The following RNF6 variants were observed in gnomAD, a reference collection of about 807,000 sequenced individuals.
RNF6 encodes E3 ubiquitin-protein ligase RNF6.
In RNF6, 21 loss-of-function variants were observed where a neutral mutation model predicts 50.1. The ratio of observed to expected loss-of-function variants is 0.42; its 90% CI spans 0.30 to 0.60. The LOEUF (loss-of-function observed/expected upper bound fraction) is 0.60. Ranked by LOEUF, RNF6 falls within the 20% of genes least tolerant of loss-of-function variation. The pLI, the probability that RNF6 is intolerant of heterozygous loss-of-function variation, is 0.20. For synonymous variants in RNF6, 255 were observed against 291.8 expected, an observed-to-expected ratio of 0.87 and a Z score of 1.29; for missense variants, 698 against 838.2, an observed-to-expected ratio of 0.83 and a Z score of 2.07.
At chr13:26,203,526 C>A (rs777731089) in intron 5 of RNF6, among the ~76,000 whole-genome samples, 10 of 152,216 alleles carry the variant, frequency 6.6e-5, no homozygotes, top group Non-Finnish European at 4.4e-5. Flanking sequence ...GTTGTCACAC[C>A]TTTGGGTGTG....
chr13:26,133,948 G>C (rs187448320), intron 5 of RNF6, among the ~76,000 whole-genome samples: 16 of 152,302 alleles, frequency 1.1e-4, no homozygotes, highest in Admixed American at 6.5e-4. Flanking sequence ...TAGGTTATGA[G>C]ACTCTGGATA....
chr13:26,188,040 A>G (rs546607695), intron 5 of RNF6, among the ~76,000 whole-genome samples: 1 of 152,322 alleles, frequency 6.6e-6, no homozygotes, highest in Admixed American at 6.5e-5. Flanking sequence ...AATGGACTTG[A>G]ACCTGTTAAT....
intron 5 of RNF6, among the ~76,000 whole-genome samples, chr13:26,147,619 T>C (rs142284399): frequency 6.6e-6 from 1 of 152,130 alleles, no homozygotes; most frequent in African/African-American, 2.4e-5. Flanking sequence ...TTCCCACACA[T>C]CCTCATCCCA....
rs541500502 is a variant in RNF6 at position 26,222,059 on chromosome 13, C to T, written c.-158G>A. The T allele has an allele frequency of 6.7e-6, 1 of 150,354 alleles. No homozygotes were observed. The highest frequency in any genetic ancestry group is 2.2e-4 in the South Asian group (1 of 4,650). 9.3% of individuals were successfully genotyped at this position (150,354 alleles called of 1,614,324 possible). ...CCGGAGAACGTGTGCTGTGGGCGGC[C>T]GTTCTCTCGGGTGCTGGAGGCTGTG... On this transcript the variant is annotated 5_prime_UTR_variant, in exon 1 of 5. Coordinates refer to ENST00000381588, the MANE Select transcript of RNF6 (RefSeq NM_005977.4).
intron 5 of RNF6, among the ~76,000 whole-genome samples, chr13:26,163,049 G>A (rs1444382122): frequency 6.6e-6 from 1 of 152,088 alleles, no homozygotes; most frequent in Non-Finnish European, 1.5e-5. Context: ...GGTGGCTCAT[G>A]CCTGTAATCC....
intron 5 of RNF6, among the ~76,000 whole-genome samples, chr13:26,196,890 G>A (rs1868688859): frequency 6.6e-6 from 1 of 151,908 alleles, no homozygotes; most frequent in African/African-American, 2.4e-5. Context: ...GCATTATAAG[G>A]TGAGTGTATA....
intron 5 of RNF6, among the ~76,000 whole-genome samples, chr13:26,162,343 G>A (rs1394029873): frequency 6.6e-6 from 1 of 152,134 alleles, no homozygotes; most frequent in African/African-American, 2.4e-5. Context: ...TAGGGAAATC[G>A]CAGTAAAGAC....
intron 5 of RNF6, among the ~76,000 whole-genome samples, chr13:26,193,562 C>A (rs1232410408): frequency 6.6e-6 from 1 of 152,092 alleles, no homozygotes; most frequent in Non-Finnish European, 1.5e-5. Flanking sequence ...CTAGCAAGAC[C>A]TGGGGGAGAG....
rs998912600 is a variant in RNF6 at position 26,141,628 on chromosome 13, G to A, written n.769-9177C>T. ...CAAAGTCAACAAAAACAAACAATGG[G>A]GAAAGAACTCTCTATTCAGTAAGTG... is the stretch of plus-strand genomic sequence containing the variant. On this transcript the variant is annotated intron_variant and non_coding_transcript_variant, in intron 5 of 5. Coordinates refer to the RNF6 transcript ENST00000468480. Among the ~76,000 whole-genome samples the A allele has an allele frequency of 2.0e-5, 3 of 151,962 alleles. 1 individual carries two copies. The highest frequency in any genetic ancestry group is 4.2e-4 in the South Asian group (2 of 4,818).
chr13:26,162,684 T>C (rs1261751565), intron 5 of RNF6, among the ~76,000 whole-genome samples: 1 of 152,228 alleles, frequency 6.6e-6, no homozygotes, highest in Non-Finnish European at 1.5e-5. Flanking sequence ...TTTTAATTTG[T>C]CTTAGAATTC....
chr13:26,145,451 G>A (rs573333161), intron 5 of RNF6, among the ~76,000 whole-genome samples: 2,743 of 14,770 alleles, frequency 0.19, 56 homozygotes, highest in South Asian at 0.26. Flanking sequence ...ATCATGGGGA[G>A]GGGGGGGGAC....
rs1869661738 is a variant in RNF6, at chr13:26,214,716, G to A, written c.1166C>T (p.Thr389Ile). 1.9e-6 allele frequency: 3 copies of A among 1,614,216 alleles called. No homozygotes were observed. The highest frequency in any genetic ancestry group is 2.5e-6 in the Non-Finnish European group (3 of 1,180,030). Residue 389 changes from threonine to isoleucine, a missense_variant, in exon 5 of 5, where the codon ACT (threonine) becomes ATT (isoleucine). Coordinates refer to ENST00000381588, the MANE Select transcript of RNF6 (RefSeq NM_005977.4). ...GATTGTTGGATGTCGTCGTACAGCAGTTGAGGATCTGCTGGATTCTTCTCC... is the reference window on the plus strand; with the variant it reads ...GATTGTTGGATGTCGTCGTACAGCAATTGAGGATCTGCTGGATTCTTCTCC... ...EEGEESSRSS[T>I]AVRRHPTITL...
intron 5 of RNF6, among the ~76,000 whole-genome samples, chr13:26,167,188 G>A (rs1002737378): frequency 2.6e-5 from 4 of 152,118 alleles, no homozygotes; most frequent in Non-Finnish European, 5.9e-5. Flanking sequence ...TGCAACAAAA[G>A]CAAAAATTGA....
intron 5 of RNF6, among the ~76,000 whole-genome samples, chr13:26,161,443 C>T (rs1246155282): frequency 6.6e-6 from 1 of 152,122 alleles, no homozygotes; most frequent in Non-Finnish European, 1.5e-5. Context: ...TGACTTTTTC[C>T]TTTCAAGAAT....
At chr13:26,191,129 T>C (rs1308242868) in intron 5 of RNF6, among the ~76,000 whole-genome samples, 4 of 152,048 alleles carry the variant, frequency 2.6e-5, no homozygotes, top group Non-Finnish European at 5.9e-5. Flanking sequence ...AAAAAGACAT[T>C]TTAAGTTGGA....
At position 26,214,584 on chromosome 13, in the gene RNF6, G is replaced by A; in HGVS notation, c.1298C>T (p.Thr433Ile). ...SRVGLAENTVTIESNSGGFRR... is the reference protein window; with the variant it reads ...SRVGLAENTVIIESNSGGFRR... ...AAAGCCCCCACTATTGCTTTCAATA[G>A]TGACTGTATTTTCTGCTAGCCCTAC... Residue 433 changes from threonine (T) to isoleucine (I), a missense_variant, in exon 5 of 5, where the codon ACT becomes ATT. By Grantham distance (89) the Thr-to-Ile change is moderately conservative. Coordinates refer to ENST00000381588, the MANE Select transcript of RNF6 (RefSeq NM_005977.4). The A allele has an allele frequency of 2.5e-6, 4 of 1,614,200 alleles. No individual in the cohort carries two copies. Among genetic ancestry groups the A allele is most frequent in the Non-Finnish European group, 3.4e-6 (4 of 1,180,038 alleles).
intron 5 of RNF6, among the ~76,000 whole-genome samples, chr13:26,194,641 G>GATAT (rs148909951): frequency 5.3e-5 from 8 of 151,614 alleles, no homozygotes; most frequent in East Asian, 1.9e-4. Context: ...GAACTAACAG[G>GATAT]ATATATATAT....
intron 5 of RNF6, among the ~76,000 whole-genome samples, chr13:26,156,600 A>T (rs987754649): frequency 2.6e-5 from 4 of 152,270 alleles, no homozygotes; most frequent in Non-Finnish European, 2.9e-5. Context: ...AAAACTTACA[A>T]CAATCAACCA....
chr13:26,222,560 A>G (rs1010587053), upstream of RNF6: 1 of 152,274 alleles, frequency 6.6e-6, no homozygotes, highest in South Asian at 2.1e-4. Context: ...GCGTCTCTTT[A>G]CTTCCGGGTG....
Sources: allele counts gnomAD v4.1 joint callset (sites outside exome capture counted in the v4.1 genomes callset), GRCh38; gene constraint gnomAD v4.1.1; transcripts MANE v1.5; gene names NCBI Gene and HGNC (gene_info 2026-07-23, HGNC 2026-07-21).